Variants in STIM2 observed in about 807,000 individuals in gnomAD.
The protein encoded by STIM2 is stromal interaction molecule 2.
STIM2 carries 31 observed loss-of-function variants against 85.8 expected under a neutral mutation model. That is an observed-to-expected ratio of 0.36 (90% CI 0.27 to 0.49). STIM2 has a LOEUF of 0.49. STIM2 is among the 20% of genes least tolerant of loss of function. The probability of loss-of-function intolerance (pLI) is 0.98; values close to 1 mark genes in which losing one functional copy is unlikely to be tolerated. For synonymous variants in STIM2, 356 were observed against 331.1 expected (o/e 1.08, Z -0.82); for missense variants, 841 against 927.6 (o/e 0.91, Z 1.21).
At chr4:26,964,193 G>A (rs1403767631) in intron 3 of STIM2, among the ~76,000 whole-genome samples, 2 of 152,138 alleles carry the variant, frequency 1.3e-5, no homozygotes, top group African/African-American at 4.8e-5. Context: ...TCCAAGAGTG[G>A]CAAGTATGAT....
intron 1 of STIM2, among the ~76,000 whole-genome samples, chr4:26,897,723 C>T (rs1053939930): frequency 5.9e-5 from 9 of 152,158 alleles, no homozygotes; most frequent in African/African-American, 2.2e-4. Flanking sequence ...TCCTTAATAT[C>T]ATCTAATACT....
intron 3 of STIM2, among the ~76,000 whole-genome samples, chr4:26,979,944 A>G (rs1201921466): frequency 6.6e-6 from 1 of 152,024 alleles, no homozygotes; most frequent in Non-Finnish European, 1.5e-5. Flanking sequence ...TTTTCTTTTT[A>G]TAGAGATGGG....
chr4:26,927,977 G>T (rs1204333143), intron 2 of STIM2, among the ~76,000 whole-genome samples: 1 of 151,204 alleles, frequency 6.6e-6, no homozygotes, highest in Admixed American at 6.6e-5. Context: ...GAAATTTATT[G>T]ACTCACAGTT....
intron 1 of STIM2, among the ~76,000 whole-genome samples, chr4:26,861,826 G>T (rs2109419077): frequency 2.0e-5 from 3 of 151,494 alleles, no homozygotes; most frequent in Middle Eastern, 3.5e-3. Flanking sequence ...AGCTCCGCTT[G>T]AGCACAGCGT....
intron 2 of STIM2, among the ~76,000 whole-genome samples, chr4:26,942,633 G>C (rs1296227259): frequency 6.6e-6 from 1 of 152,090 alleles, no homozygotes; most frequent in Admixed American, 6.6e-5. Flanking sequence ...TCACTCACTA[G>C]TGTCATGATA....
chr4:26,986,852 T>G (rs1217074137), intron 3 of STIM2, among the ~76,000 whole-genome samples: 1 of 152,234 alleles, frequency 6.6e-6, no homozygotes, highest in Non-Finnish European at 1.5e-5. Flanking sequence ...AGACTAAAAG[T>G]CAGTTATACA....
chr4:26,862,965 C>T (rs1404319243), intron 1 of STIM2, among the ~76,000 whole-genome samples: 1 of 152,052 alleles, frequency 6.6e-6, no homozygotes, highest in Non-Finnish European at 1.5e-5. Flanking sequence ...GTTTCTCGAG[C>T]AGAAAAATGT....
At chr4:26,891,267 C>A (rs895463083) in intron 1 of STIM2, among the ~76,000 whole-genome samples, 3 of 152,092 alleles carry the variant, frequency 2.0e-5, no homozygotes, top group Admixed American at 6.5e-5. Flanking sequence ...TGGGCCTTAT[C>A]CAATCAGTTG....
intron 2 of STIM2, among the ~76,000 whole-genome samples, chr4:26,944,805 A>C (rs780951314): frequency 6.6e-6 from 1 of 152,194 alleles, no homozygotes; most frequent in Non-Finnish European, 1.5e-5. Context: ...TGTTAACTCT[A>C]TGCGTATGTA....
At chr4:26,995,105 G>T (rs149197967) in intron 3 of STIM2, among the ~76,000 whole-genome samples, 1 of 152,170 alleles carries the variant, frequency 6.6e-6, no homozygotes, top group Non-Finnish European at 1.5e-5. Flanking sequence ...TCTACAACCA[G>T]AAAAATGATA....
At chr4:26,960,195 C>T (rs980473021) in intron 3 of STIM2, among the ~76,000 whole-genome samples, 2 of 152,108 alleles carry the variant, frequency 1.3e-5, no homozygotes, top group Non-Finnish European at 2.9e-5. Flanking sequence ...TTGAAAATTT[C>T]TCTGGAGAAA....
At chr4:26,873,734 C>T in intron 1 of STIM2, 1 of 878,312 alleles carries the variant, frequency 1.1e-6, no homozygotes, top group Non-Finnish European at 1.9e-6. Flanking sequence ...TGAATTTCTG[C>T]CTCCACAGGC....
chr4:26,966,136 T>A (rs1240760688), intron 3 of STIM2, among the ~76,000 whole-genome samples: 1 of 152,138 alleles, frequency 6.6e-6, no homozygotes, highest in Admixed American at 6.6e-5. Context: ...TAAAAGAACC[T>A]TCTGCAGAAG....
chr4:27,021,419 G>A, intron 11 of STIM2: 1 of 452,556 alleles, frequency 2.2e-6, no homozygotes, highest in South Asian at 1.6e-5. Flanking sequence ...ACGTGGAGAT[G>A]GAGAGTAGAT....
chr4:26,930,707 A>G (rs1415796515), intron 2 of STIM2, among the ~76,000 whole-genome samples: 1 of 152,198 alleles, frequency 6.6e-6, no homozygotes, highest in African/African-American at 2.4e-5. Flanking sequence ...GGATTAGACA[A>G]AAAAGAAGGC....
At chr4:26,937,700 C>G (rs945146562) in intron 2 of STIM2, among the ~76,000 whole-genome samples, 1 of 152,078 alleles carries the variant, frequency 6.6e-6, no homozygotes, top group African/African-American at 2.4e-5. Flanking sequence ...AGGGTGTAAA[C>G]GAGGACTGTC....
chr4:26,994,901 T>C (rs1248231427), intron 3 of STIM2, among the ~76,000 whole-genome samples: 1 of 152,142 alleles, frequency 6.6e-6, no homozygotes, highest in Non-Finnish European at 1.5e-5. Context: ...CTTCCTCTTC[T>C]TCCTTCTTTC....
In STIM2 at chr4:27,024,373, A is replaced by G. The variant is rs572433617; in HGVS notation, c.*1377A>G. ...AATCATAAGTGATTTGGTTACTGCAATGCAGATGGATGTTTGGATGAACAA... is the reference window on the plus strand; with the variant it reads ...AATCATAAGTGATTTGGTTACTGCAGTGCAGATGGATGTTTGGATGAACAA... On this transcript the variant is annotated 3_prime_UTR_variant, in exon 12 of 12. Transcript: ENST00000467087. The G allele has an allele frequency of 6.6e-6, 1 of 152,338 alleles. No homozygotes were observed. Among genetic ancestry groups the G allele is most frequent in the South Asian group, 2.1e-4 (1 of 4,832 alleles). 9.4% of individuals were successfully genotyped at this position (152,338 alleles called of 1,614,324 possible). A position where few individuals can be genotyped will look rare whatever the true frequency, so the allele number is the denominator to read the frequency against.
chr4:27,002,964 G>C lies in STIM2; in HGVS notation c.841G>C (p.Val281Leu), dbSNP rs762990114. The change falls in exon 7 of 12, where the codon GTA (valine) becomes CTA (leucine). Residue 281 changes from valine (V) to leucine (L), a missense_variant. By Grantham distance (32) the Val-to-Leu change is conservative. This residue lies in a region of STIM2 where 408 missense variants were observed against 525.4 expected (regional missense o/e 0.78). Transcript: ENST00000467087. ...ACAGGAAGAAAACAGAAATGTTGCT[G>C]TAGAAAAGCAAAATTTAGAGCGCAA... 6.3e-7 allele frequency: 1 copy of C among 1,597,208 alleles called. No individual in the cohort carries two copies. The highest frequency in any genetic ancestry group is 8.5e-7 in the Non-Finnish European group (1 of 1,174,196).
Sources: allele counts gnomAD v4.1 joint callset (sites outside exome capture counted in the v4.1 genomes callset), GRCh38; gene constraint gnomAD v4.1.1; regional missense constraint gnomAD v4.1.1; transcripts MANE v1.5; gene names NCBI Gene and HGNC (gene_info 2026-07-23, HGNC 2026-07-21).